PGBD5: variants seen among roughly 807,000 people sequenced by gnomAD.
The protein encoded by PGBD5 is piggyBac transposable element derived 5.
In PGBD5, 14 loss-of-function variants were observed where a neutral mutation model predicts 47.9. That is an observed-to-expected ratio of 0.29 (90% confidence interval 0.19 to 0.46). The LOEUF is 0.46. PGBD5 is among the 20% of genes least tolerant of loss of function. PGBD5 has a pLI of 1.00. For synonymous variants in PGBD5, 316 were observed against 306.3 expected, an observed-to-expected ratio of 1.03 and a Z score of -0.33; for missense variants, 635 against 716.0, an observed-to-expected ratio of 0.89 and a Z score of 1.29.
chr1:230,371,485 T>A (rs1311598817), intron 1 of PGBD5, among the ~76,000 whole-genome samples: 2 of 152,118 alleles, frequency 1.3e-5, no homozygotes, highest in Non-Finnish European at 2.9e-5. Flanking sequence ...GTCACAAAGG[T>A]TACTGCCACT....
intron 5 of PGBD5, among the ~76,000 whole-genome samples, chr1:230,329,219 C>T (rs1040341877): frequency 2.6e-5 from 4 of 152,062 alleles, no homozygotes; most frequent in African/African-American, 9.7e-5. Context: ...CCAACTTGGC[C>T]TCCAAAAGTG....
intron 1 of PGBD5, among the ~76,000 whole-genome samples, chr1:230,373,184 C>T (rs886278206): frequency 6.6e-6 from 1 of 152,186 alleles, no homozygotes; most frequent in South Asian, 2.1e-4. Context: ...GAGTATCACT[C>T]AGGGTGTTTC....
chr1:230,339,040 C>T (rs1558193771), intron 3 of PGBD5, among the ~76,000 whole-genome samples: 1 of 152,152 alleles, frequency 6.6e-6, no homozygotes, highest in Non-Finnish European at 1.5e-5. Flanking sequence ...GAGCGAATAA[C>T]GGGGAAGTGT....
At chr1:230,379,844 C>A (rs201014693) in intron 1 of PGBD5, among the ~76,000 whole-genome samples, 168 of 152,338 alleles carry the variant, frequency 1.1e-3, no homozygotes, top group African/African-American at 3.3e-3. Context: ...CTGCATCCTC[C>A]CCTCTGAAAT....
intron 1 of PGBD5, among the ~76,000 whole-genome samples, chr1:230,380,064 C>T (rs931991205): frequency 2.0e-5 from 3 of 152,320 alleles, no homozygotes; most frequent in East Asian, 1.9e-4. Flanking sequence ...GAGCAGGGGC[C>T]GTGTGCTATT....
chr1:230,426,263 G>A lies in PGBD5; in HGVS notation c.-335C>T, dbSNP rs1366607704. 5 of 151,512 alleles carry A rather than the reference G, an allele frequency of 3.3e-5. No individual in the cohort carries two copies. The South Asian group carries it at 5.3e-4, about 16-fold the overall frequency. The allele number at this position is 151,512 out of a possible 1,614,324, so 9.4% of individuals were successfully genotyped here. ...CGCCGCCACCACCGCCACCACCGCC[G>A]CCGCTGCGTCTCCTCGGCGCCCGCC... On this transcript the variant is annotated 5_prime_UTR_variant, in exon 1 of 7. Coordinates refer to ENST00000391860, the MANE Select transcript of PGBD5 (RefSeq NM_001258311.2).
At chr1:230,379,493 C>T (rs6693341) in intron 1 of PGBD5, among the ~76,000 whole-genome samples, 40,955 of 152,156 alleles carry the variant, frequency 0.27, 6,691 homozygotes, top group Non-Finnish European at 0.36. Flanking sequence ...CATACCATAC[C>T]CCTCACTGAA....
At chr1:230,366,005 C>T (rs756835550) in intron 1 of PGBD5, among the ~76,000 whole-genome samples, 3 of 152,236 alleles carry the variant, frequency 2.0e-5, no homozygotes, top group Non-Finnish European at 4.4e-5. Context: ...CAGGGCGAAT[C>T]CTGTAATGTC....
chr1:230,399,319 C>G (rs1220521253), intron 1 of PGBD5, among the ~76,000 whole-genome samples: 1 of 152,196 alleles, frequency 6.6e-6, no homozygotes, highest in African/African-American at 2.4e-5. Flanking sequence ...CAGTCCCCCA[C>G]TTTGCTGATA....
At chr1:230,399,380 C>T (rs1389032666) in intron 1 of PGBD5, among the ~76,000 whole-genome samples, 1 of 152,184 alleles carries the variant, frequency 6.6e-6, no homozygotes, top group Non-Finnish European at 1.5e-5. Flanking sequence ...GCTGACTGCT[C>T]AGAACACGAG....
chr1:230,333,582 G>A lies in PGBD5; in HGVS notation c.1076-541C>T, dbSNP rs529695559. On this transcript the variant is annotated intron_variant, in intron 4 of 6. Transcript: ENST00000391860. ...TACATCATCCTAATGGTCTCACCAG[G>A]ACGTGGCTGAACGCGAGCCCAGTGC... is the stretch of plus-strand genomic sequence containing the variant. Among the ~76,000 whole-genome samples, 5 of 152,338 alleles carry A rather than the reference G, an allele frequency of 3.3e-5. No individual in the cohort carries two copies. In the East Asian group the frequency reaches 9.7e-4, roughly 29 times the overall value.
chr1:230,405,690 C>G (rs909852076), intron 1 of PGBD5, among the ~76,000 whole-genome samples: 1 of 152,084 alleles, frequency 6.6e-6, no homozygotes, highest in Non-Finnish European at 1.5e-5. Context: ...AAAAAGGTCT[C>G]TAAAAATATA....
chr1:230,335,130 TACAC>T (rs1215001273), intron 4 of PGBD5, among the ~76,000 whole-genome samples: 7 of 59,402 alleles, frequency 1.2e-4, no homozygotes, highest in Admixed American at 7.7e-4. Flanking sequence ...TACAGACACA[TACAC>T]ATACATACAC....
At chr1:230,353,351 C>T (rs955142079) in intron 2 of PGBD5, among the ~76,000 whole-genome samples, 5 of 152,116 alleles carry the variant, frequency 3.3e-5, no homozygotes, top group Non-Finnish European at 7.4e-5. Context: ...AATCCCTCCC[C>T]GAAAATATTT....
At chr1:230,350,911 C>T (rs909876124) in intron 3 of PGBD5, 47 bp downstream of exon 3, 2 of 1,598,918 alleles carry the variant, frequency 1.3e-6, no homozygotes, top group African/African-American at 2.7e-5. Context: ...GGATTTTCTT[C>T]CCCGACCCTC....
Position 230,357,055 on chromosome 1 carries a change from C to A in PGBD5, c.598G>T (p.Ala200Ser). 6.2e-7 allele frequency: 1 copy of A among 1,614,128 alleles called. No individual in the cohort carries two copies. Among genetic ancestry groups the A allele is most frequent in the Non-Finnish European group, 8.5e-7 (1 of 1,180,022 alleles). Residue 200 changes from alanine to serine, a missense_variant, in exon 2 of 7, where the codon GCC (alanine) becomes TCC (serine). Physicochemically the swap from Ala to Ser is moderately conservative, Grantham distance 99. Transcript: ENST00000391860. This position sits in a 1 kb window ranked among gnomAD's most constrained non-coding sequence, Gnocchi z 5.7. ...SGGFYSNRSL[A>S]LVMSQARFEK... ...AAGCGGGCCTGGCTCATGACGAGGG[C>A]GAGGCTGCGGTTGCTGTAGAAGCCT...
intron 1 of PGBD5, chr1:230,377,427 A>C: frequency 6.8e-7 from 1 of 1,479,270 alleles, no homozygotes; most frequent in Non-Finnish European, 9.3e-7. Flanking sequence ...ATGATGATGA[A>C]GATGCCAATA....
chr1:230,395,645 A>C (rs970678679), intron 1 of PGBD5, among the ~76,000 whole-genome samples: 19 of 1,482 alleles, frequency 0.013, no homozygotes, highest in Admixed American at 0.035. Flanking sequence ...TCTCATTCCC[A>C]CCCTCCTCCC....
chr1:230,341,475 T>A (rs1292955850), intron 3 of PGBD5, among the ~76,000 whole-genome samples: 1 of 152,202 alleles, frequency 6.6e-6, no homozygotes, highest in Non-Finnish European at 1.5e-5. Flanking sequence ...ATGCTAATGA[T>A]CTCGTCCAGG....
Sources: allele counts gnomAD v4.1 joint callset (sites outside exome capture counted in the v4.1 genomes callset), GRCh38; gene constraint gnomAD v4.1.1; non-coding constraint Gnocchi (gnomAD v3.1); transcripts MANE v1.5; gene names NCBI Gene and HGNC (gene_info 2026-07-23, HGNC 2026-07-21).